The following ZNF782 variants were observed in gnomAD, a reference collection of about 807,000 sequenced individuals.
The protein encoded by ZNF782 is zinc finger protein 782.
ZNF782 carries 12 observed loss-of-function variants against 13.0 expected under a neutral mutation model. The ratio of observed to expected loss-of-function variants is 0.92; its 90% CI spans 0.59 to 1.50. ZNF782 has a LOEUF of 1.50. Among genes scored for constraint, ZNF782 ranks in the 40% most tolerant of loss-of-function variants. The probability of loss-of-function intolerance (pLI) is 0.00; values close to 1 mark genes in which losing one functional copy is unlikely to be tolerated. For missense variants in ZNF782, 770 were observed against 822.9 expected (o/e 0.94, Z 0.79); for synonymous variants, 284 against 283.0 (o/e 1.00, Z -0.04).
At chr9:96,822,934 T>C (rs1291535693) in intron 5 of ZNF782, among the ~76,000 whole-genome samples, 1 of 152,232 alleles carries the variant, frequency 6.6e-6, no homozygotes, top group Non-Finnish European at 1.5e-5. Context: ...CAATAATATC[T>C]TTGTGGATTT....
the ZNF782 span, among the ~76,000 whole-genome samples, chr9:96,903,825 G>A: frequency 3.4e-3 from 512 of 151,882 alleles, 2 homozygotes; most frequent in Non-Finnish European, 3.8e-3. Context: ...GCCTCCCAAA[G>A]TGCTGGGATT....
the ZNF782 span, among the ~76,000 whole-genome samples, chr9:96,905,639 A>C: frequency 2.0e-5 from 3 of 151,582 alleles, no homozygotes; most frequent in Non-Finnish European, 4.4e-5. Flanking sequence ...GTGCTGGAGT[A>C]CAGTGGCGCG....
chr9:96,913,678 A>G, the ZNF782 span, among the ~76,000 whole-genome samples: 1 of 151,694 alleles, frequency 6.6e-6, no homozygotes, highest in African/African-American at 2.4e-5. Context: ...ATGGGCCACC[A>G]CACCTAGCTA....
chr9:96,931,500 T>G, the ZNF782 span, among the ~76,000 whole-genome samples: 44 of 151,542 alleles, frequency 2.9e-4, no homozygotes, highest in South Asian at 1.5e-3. Flanking sequence ...TGTTTCTTCT[T>G]GGCAGACAAG....
At chr9:96,829,200 TA>T (rs952349676) in intron 4 of ZNF782, among the ~76,000 whole-genome samples, 1 of 151,126 alleles carries the variant, frequency 6.6e-6, no homozygotes, top group Non-Finnish European at 1.5e-5. Flanking sequence ...CTGATTTATA[TA>T]AAAAAATTTA....
chr9:96,917,324 A>G, the ZNF782 span, among the ~76,000 whole-genome samples: 2 of 150,422 alleles, frequency 1.3e-5, no homozygotes, highest in Non-Finnish European at 3.0e-5. Flanking sequence ...ATATATGCAT[A>G]CGTTAATTTT....
At chr9:96,880,909 C>A in the ZNF782 span, among the ~76,000 whole-genome samples, 1 of 152,074 alleles carries the variant, frequency 6.6e-6, no homozygotes, top group African/African-American at 2.4e-5. Flanking sequence ...GACATCTATG[C>A]CTGGAGATTT....
the ZNF782 span, among the ~76,000 whole-genome samples, chr9:96,917,887 C>CGTGTGTGTGTCT: frequency 6.6e-5 from 8 of 121,718 alleles, no homozygotes; most frequent in South Asian, 2.6e-4. Flanking sequence ...CCACCCTTGG[C>CGTGTGTGTGTCT]GTGTGTGTGT....
intron 4 of ZNF782, among the ~76,000 whole-genome samples, chr9:96,841,932 T>C (rs1378269239): frequency 2.6e-5 from 4 of 152,030 alleles, no homozygotes; most frequent in African/African-American, 9.6e-5. Flanking sequence ...TATACATATA[T>C]GACATGATAG....
chr9:96,838,284 G>A (rs577220373), intron 4 of ZNF782, among the ~76,000 whole-genome samples: 121 of 152,212 alleles, frequency 7.9e-4, no homozygotes, highest in African/African-American at 2.9e-3. Context: ...GTGCTTTATG[G>A]CCTAGAATGT....
At position 96,864,937 on chromosome 9, in the gene ZNF782, T is replaced by C. The variant is rs114361440; in HGVS notation, c.-456-3334A>G. ...GACATGAGCCTGTAGTCCCAGCTAC[T>C]TGAAAGGCTTAGGTGAATGGATCAC... On this transcript the variant is annotated intron_variant, in intron 1 of 5. Coordinates refer to the ZNF782 transcript ENST00000498811. Among the ~76,000 whole-genome samples the C allele has an allele frequency of 6.9e-3, 1,049 of 151,414 alleles. 18 individuals are homozygous for C. The highest frequency in any genetic ancestry group is 0.024 in the African/African-American group (979 of 41,138).
At chr9:96,885,656 G>C in the ZNF782 span, among the ~76,000 whole-genome samples, 4 of 151,998 alleles carry the variant, frequency 2.6e-5, no homozygotes, top group African/African-American at 9.7e-5. Flanking sequence ...TCCCAAACAT[G>C]GTAAGCCCAA....
chr9:96,903,627 A>G, the ZNF782 span, among the ~76,000 whole-genome samples: 1 of 135,972 alleles, frequency 7.4e-6, no homozygotes, highest in Non-Finnish European at 1.5e-5. Flanking sequence ...CAGTGGCGCA[A>G]TCTCGGCTCA....
At chr9:96,919,666 C>T in the ZNF782 span, among the ~76,000 whole-genome samples, 1 of 147,152 alleles carries the variant, frequency 6.8e-6, no homozygotes, top group Non-Finnish European at 1.5e-5. Flanking sequence ...TGGGTTCAGG[C>T]GATTCTCCTG....
Position 96,819,059 on chromosome 9 carries a change from T to C in ZNF782, c.964A>G (p.Asn322Asp), listed in dbSNP as rs1200399381. 1.9e-6 allele frequency: 3 copies of C among 1,614,090 alleles called. No individual in the cohort carries two copies. The African/African-American group carries it at 4.0e-5, about 22-fold the overall frequency. The change falls in exon 6 of 6, where the codon AAT (asparagine) becomes GAT (aspartate). Residue 322 changes from asparagine to aspartate, a missense_variant. Transcript: ENST00000481138. ...CTCTGATGCACTGGGAGGGTTGAAT[T>C]ACGGTTGAAACTTTTTCCATATTCA... ...PFEYGKSFNR[N>D]STLPVHQRTH...
upstream of ZNF782, among the ~76,000 whole-genome samples, chr9:96,879,086 CTTATTGAAA>C (rs1851930444): frequency 6.6e-6 from 1 of 152,194 alleles, no homozygotes; most frequent in Non-Finnish European, 1.5e-5. Context: ...TCAACAGACA[CTTATTGAAA>C]ACCTGCTGTG....
the ZNF782 span, among the ~76,000 whole-genome samples, chr9:96,908,260 C>G: frequency 6.6e-6 from 1 of 151,674 alleles, no homozygotes; most frequent in Non-Finnish European, 1.5e-5. Flanking sequence ...GCCTCCAGTT[C>G]CTGGGCTCAA....
intron 5 of ZNF782, among the ~76,000 whole-genome samples, chr9:96,826,014 A>G (rs1020321429): frequency 1.3e-4 from 20 of 151,960 alleles, no homozygotes; most frequent in Middle Eastern, 6.8e-3. Context: ...ATCTAGAACT[A>G]GAAATACCAT....
chr9:96,821,988 CATTA>C (rs1215990917), intron 5 of ZNF782, among the ~76,000 whole-genome samples: 1 of 152,176 alleles, frequency 6.6e-6, no homozygotes, highest in Non-Finnish European at 1.5e-5. Context: ...TAATCAACAG[CATTA>C]ATTATTTTAT....
Sources: allele counts gnomAD v4.1 joint callset (sites outside exome capture counted in the v4.1 genomes callset), GRCh38; gene constraint gnomAD v4.1.1; transcripts MANE v1.5; gene names NCBI Gene and HGNC (gene_info 2026-07-23, HGNC 2026-07-21).